Variants in PIK3C2G observed in about 807,000 individuals in gnomAD.
The protein encoded by PIK3C2G is phosphatidylinositol-4-phosphate 3-kinase catalytic subunit type 2 gamma, also known as phosphatidylinositol 3-kinase C2 domain-containing subunit gamma.
In PIK3C2G, 168 loss-of-function variants were observed where a neutral mutation model predicts 181.1. The observed-to-expected ratio is 0.93, with a 90% CI of 0.82 to 1.05. The LOEUF is 1.05. Among genes scored for constraint, PIK3C2G ranks in the 50% least tolerant of loss-of-function variants. PIK3C2G has a pLI of 0.00. For synonymous variants in PIK3C2G, 573 were observed against 592.2 expected (o/e 0.97, Z 0.47); for missense variants, 1,869 against 1,732.8 (o/e 1.08, Z -1.40).
At chr12:18,448,096 C>T (rs1318573633) in intron 18 of PIK3C2G, among the ~76,000 whole-genome samples, 1 of 152,074 alleles carries the variant, frequency 6.6e-6, no homozygotes, top group African/African-American at 2.4e-5. Flanking sequence ...ACATAACTCT[C>T]ACTAAGTAGT....
chr12:18,528,649 A>G (rs1417542579), intron 24 of PIK3C2G, among the ~76,000 whole-genome samples: 3 of 152,328 alleles, frequency 2.0e-5, no homozygotes, highest in Admixed American at 6.5e-5. Flanking sequence ...AGAGTCCAGC[A>G]GACTAATTCT....
the PIK3C2G span, among the ~76,000 whole-genome samples, chr12:18,654,693 T>C: frequency 6.6e-6 from 1 of 152,244 alleles, no homozygotes; most frequent in Admixed American, 6.5e-5. Flanking sequence ...TCCAGTTGAG[T>C]ACTTGGTCTG....
At chr12:18,431,742 T>G (rs11044106) in intron 18 of PIK3C2G, among the ~76,000 whole-genome samples, 23,319 of 152,214 alleles carry the variant, frequency 0.15, 2,253 homozygotes, top group East Asian at 0.39. Context: ...TAATTTATTT[T>G]TTTACCTTTA....
chr12:18,438,986 C>T (rs1404729075), intron 18 of PIK3C2G, among the ~76,000 whole-genome samples: 1 of 151,790 alleles, frequency 6.6e-6, no homozygotes, highest in Non-Finnish European at 1.5e-5. Flanking sequence ...AGTTTCAGTT[C>T]CCAAGGTTAT....
intron 14 of PIK3C2G, among the ~76,000 whole-genome samples, chr12:18,384,766 A>G (rs1301712265): frequency 1.3e-5 from 2 of 152,232 alleles, no homozygotes; most frequent in Non-Finnish European, 1.5e-5. Context: ...AATAGAATTC[A>G]TCTTAGAAAT....
Position 18,371,250 on chromosome 12 carries a change from G to A in PIK3C2G, c.1819G>A (p.Ala607Thr). Reference sequence around the variant, plus strand: ...GCTCACTGTAAAACTGTTTGGGATTGCCTGTGCAACCAACAATGCAAATTT... The same window carrying A: ...GCTCACTGTAAAACTGTTTGGGATTACCTGTGCAACCAACAATGCAAATTT... ...SMLTVKLFGI[A>T]CATNNANLLA... Residue 607 changes from alanine (A) to threonine (T), a missense_variant, in exon 13 of 33, where the codon GCC becomes ACC. Coordinates refer to ENST00000538779, the MANE Select transcript of PIK3C2G (RefSeq NM_001288772.2). The A allele has an allele frequency of 6.2e-7, 1 of 1,612,368 alleles. No homozygotes were observed. Among genetic ancestry groups the A allele is most frequent in the South Asian group, 1.1e-5 (1 of 90,752 alleles).
intron 5 of PIK3C2G, 136 bp from the exon 6 acceptor site, chr12:18,313,826 A>G (rs376236591): frequency 2.1e-5 from 11 of 530,712 alleles, no homozygotes; most frequent in South Asian, 5.3e-5. Context: ...ACACACACAC[A>G]CACGCACACA....
At chr12:18,376,575 G>A (rs1314707358) in intron 13 of PIK3C2G, among the ~76,000 whole-genome samples, 1 of 152,188 alleles carries the variant, frequency 6.6e-6, no homozygotes, top group African/African-American at 2.4e-5. Context: ...AGGCATGATT[G>A]TATTTTGCAG....
At chr12:18,559,125 C>T (rs1005200243) in intron 26 of PIK3C2G, among the ~76,000 whole-genome samples, 14 of 152,172 alleles carry the variant, frequency 9.2e-5, no homozygotes, top group African/African-American at 3.1e-4. Context: ...GGAGCACTGG[C>T]CTCCTGTGGA....
intron 11 of PIK3C2G, among the ~76,000 whole-genome samples, chr12:18,360,318 AC>A (rs1331734009): frequency 6.6e-6 from 1 of 152,202 alleles, no homozygotes; most frequent in African/African-American, 2.4e-5. Flanking sequence ...GTTAAAAATT[AC>A]ATCTTTTTAT....
chr12:18,326,047 T>G (rs1383011288), intron 8 of PIK3C2G, among the ~76,000 whole-genome samples: 2 of 152,164 alleles, frequency 1.3e-5, no homozygotes, highest in African/African-American at 4.8e-5. Context: ...AGGGGACAGA[T>G]TCATAAGAAG....
chr12:18,429,770 A>G (rs1946048971), intron 18 of PIK3C2G, among the ~76,000 whole-genome samples: 1 of 152,188 alleles, frequency 6.6e-6, no homozygotes, highest in African/African-American at 2.4e-5. Flanking sequence ...TGGAAATTCC[A>G]TGGTACTCAG....
At chr12:18,683,544 T>G in the PIK3C2G span, 3 of 1,502,464 alleles carry the variant, frequency 2.0e-6, no homozygotes, top group Non-Finnish European at 2.7e-6. Context: ...CAGCTCATAC[T>G]TCTCCTTCCG....
chr12:18,411,111 A>G (rs933022461), intron 16 of PIK3C2G, among the ~76,000 whole-genome samples: 1 of 152,180 alleles, frequency 6.6e-6, no homozygotes, highest in African/African-American at 2.4e-5. Flanking sequence ...CAGTCCAGTT[A>G]GACAGATTAC....
intron 32 of PIK3C2G, among the ~76,000 whole-genome samples, chr12:18,641,831 C>A (rs950654176): frequency 4.8e-5 from 7 of 145,948 alleles, no homozygotes; most frequent in Admixed American, 4.4e-4. Flanking sequence ...CTCACCACAA[C>A]CTCCACCTCC....
intron 28 of PIK3C2G, among the ~76,000 whole-genome samples, chr12:18,563,767 T>C (rs996178096): frequency 6.6e-6 from 1 of 152,162 alleles, no homozygotes; most frequent in Admixed American, 6.5e-5. Context: ...TTTTCTTCGA[T>C]TATTGGGAAA....
At chr12:18,631,241 G>T (rs1306797861) in intron 31 of PIK3C2G, among the ~76,000 whole-genome samples, 1 of 152,106 alleles carries the variant, frequency 6.6e-6, no homozygotes, top group Non-Finnish European at 1.5e-5. Context: ...TTCTCTTAAA[G>T]ATTTGAAAAA....
the PIK3C2G span, among the ~76,000 whole-genome samples, chr12:18,717,345 A>T: frequency 6.6e-6 from 1 of 152,148 alleles, no homozygotes; most frequent in East Asian, 1.9e-4. Flanking sequence ...AAAATTTGTG[A>T]ATTTATGTCT....
At chr12:18,713,485 T>C in the PIK3C2G span, among the ~76,000 whole-genome samples, 3 of 152,078 alleles carry the variant, frequency 2.0e-5, no homozygotes, top group East Asian at 1.9e-4. Context: ...AAGGCAAGGA[T>C]AAAGAAAAGA....
Sources: gnomAD v4.1 joint callset for allele counts (sites outside exome capture counted in the v4.1 genomes callset) on GRCh38, gnomAD v4.1.1 for gene constraint, MANE v1.5 for transcripts, NCBI Gene and HGNC (gene_info 2026-07-23, HGNC 2026-07-21) for gene names.